The following OXCT1 variants were observed in gnomAD, a reference collection of about 807,000 sequenced individuals.
OXCT1 encodes the protein 3-oxoacid CoA-transferase 1, also known as succinyl-CoA:3-ketoacid coenzyme A transferase 1, mitochondrial.
A neutral mutation model predicts 69.6 loss-of-function variants in OXCT1; 27 were observed. The ratio of observed to expected loss-of-function variants is 0.39; its 90% CI spans 0.29 to 0.54. The LOEUF (loss-of-function observed/expected upper bound fraction) is 0.54, where lower values mean the gene tolerates loss of function less well. Ranked by LOEUF, OXCT1 falls within the 20% of genes least tolerant of loss-of-function variation. The pLI is 0.72. For synonymous variants in OXCT1, 202 were observed against 217.8 expected, an observed-to-expected ratio of 0.93 and a Z score of 0.64; for missense variants, 437 against 650.2, an observed-to-expected ratio of 0.67 and a Z score of 3.57.
chr5:41,773,384 G>T (rs1000877468), intron 13 of OXCT1, among the ~76,000 whole-genome samples: 1 of 150,890 alleles, frequency 6.6e-6, no homozygotes, highest in Non-Finnish European at 1.5e-5. Flanking sequence ...AGACTAGCCT[G>T]GGCAACATGG....
At chr5:41,754,697 C>T (rs561358317) in intron 14 of OXCT1, among the ~76,000 whole-genome samples, 1 of 152,010 alleles carries the variant, frequency 6.6e-6, no homozygotes, top group African/African-American at 2.4e-5. Flanking sequence ...CTTTATACAG[C>T]GCCTACACTA....
Position 41,731,757 on chromosome 5 carries a change from A to G in OXCT1, c.1535T>C (p.Leu512Pro). Residue 512 changes from leucine to proline, a missense_variant, in exon 17 of 17, where the codon CTC becomes CCC. Leu to Pro is a moderately conservative substitution (Grantham distance 98). Around this residue, in one of 4 missense-constraint regions of OXCT1, gnomAD observed 102 missense variants for 162.1 expected, o/e 0.63. Coordinates refer to ENST00000196371, the MANE Select transcript of OXCT1 (RefSeq NM_000436.4). ...ATTTGCGATCTGCTGCATTGGCATG[A>G]GTTTTGGTGAAACCTGGTAAAAGAG... ...TGCDFAVSPK[L>P]MPMQQIAN is the part of the protein sequence containing the mutation. The G allele has an allele frequency of 6.2e-7, 1 of 1,610,224 alleles. No individual in the cohort carries two copies. The highest frequency in any genetic ancestry group is 8.5e-7 in the Non-Finnish European group (1 of 1,178,088).
At chr5:41,785,796 A>T (rs1579732343) in intron 13 of OXCT1, among the ~76,000 whole-genome samples, 1 of 152,320 alleles carries the variant, frequency 6.6e-6, no homozygotes, top group East Asian at 1.9e-4. Context: ...GTTTTGTATG[A>T]AGGATTTATT....
chr5:41,788,073 G>A (rs1218881244), intron 13 of OXCT1, among the ~76,000 whole-genome samples: 1 of 152,112 alleles, frequency 6.6e-6, no homozygotes, highest in African/African-American at 2.4e-5. Flanking sequence ...CGAAGTATAA[G>A]GTTTATGTCA....
At chr5:41,805,413 C>T (rs980760205) in intron 9 of OXCT1, among the ~76,000 whole-genome samples, 154 bp downstream of exon 9, 10 of 149,328 alleles carry the variant, frequency 6.7e-5, no homozygotes, top group African/African-American at 2.5e-4. Flanking sequence ...GGATTATATG[C>T]CACATTTTGT....
At chr5:41,818,795 G>A (rs77030081) in intron 7 of OXCT1, among the ~76,000 whole-genome samples, 1 of 151,782 alleles carries the variant, frequency 6.6e-6, no homozygotes, top group Admixed American at 6.6e-5. Context: ...TAACAAAAGG[G>A]GTCAATGAAT....
chr5:41,750,482 C>T (rs1289412338), intron 14 of OXCT1, among the ~76,000 whole-genome samples: 1 of 152,020 alleles, frequency 6.6e-6, no homozygotes. Context: ...AAGAGTCAAG[C>T]ACCAGGAGCC....
intron 7 of OXCT1, among the ~76,000 whole-genome samples, chr5:41,825,212 G>A (rs1473240962): frequency 6.6e-6 from 1 of 152,090 alleles, no homozygotes; most frequent in African/African-American, 2.4e-5. Context: ...TAAGAGAGAA[G>A]GTGACCTATA....
intron 3 of OXCT1, among the ~76,000 whole-genome samples, chr5:41,860,328 G>T (rs1049864694): frequency 2.0e-5 from 3 of 151,982 alleles, no homozygotes; most frequent in African/African-American, 7.3e-5. Context: ...ATATATCAAA[G>T]ATAAGTAAAA....
rs200695197 is a variant in OXCT1 at position 41,853,561 on chromosome 5, G to A, written c.279-7C>T. 1,254 of 1,613,336 alleles carry A rather than the reference G, an allele frequency of 7.8e-4. 5 individuals are homozygous for A. The African/African-American group carries it at 0.015, about 19-fold the overall frequency. ...CAAACCAAAATTGTCAACCCTAGAA[G>A]GAAAATGAAGGGAGCTTACCAAAGA... On this transcript the variant is annotated splice_region_variant and splice_polypyrimidine_tract_variant and intron_variant, in intron 3 of 16. Coordinates refer to ENST00000196371, the MANE Select transcript of OXCT1 (RefSeq NM_000436.4).
At chr5:41,790,376 C>T (rs1021433118) in intron 13 of OXCT1, among the ~76,000 whole-genome samples, 3 of 152,228 alleles carry the variant, frequency 2.0e-5, no homozygotes, top group Admixed American at 1.3e-4. Context: ...GTTTTACCAT[C>T]ATCACAATCA....
intron 13 of OXCT1, among the ~76,000 whole-genome samples, chr5:41,772,837 C>A (rs1231830652): frequency 6.6e-6 from 1 of 152,154 alleles, no homozygotes; most frequent in African/African-American, 2.4e-5. Flanking sequence ...AGAATGCACA[C>A]CCTACTCTCA....
At chr5:41,818,503 TA>T (rs1474513939) in intron 7 of OXCT1, among the ~76,000 whole-genome samples, 1 of 152,150 alleles carries the variant, frequency 6.6e-6, no homozygotes, top group Non-Finnish European at 1.5e-5. Context: ...AAAAAGGAAA[TA>T]TGGCGTCCTT....
At chr5:41,737,736 G>T (rs1337062256) in intron 16 of OXCT1, among the ~76,000 whole-genome samples, 2 of 152,158 alleles carry the variant, frequency 1.3e-5, no homozygotes. Context: ...TATGGATAAT[G>T]AACTATGAAA....
intron 3 of OXCT1, among the ~76,000 whole-genome samples, chr5:41,854,330 T>C (rs888125801): frequency 6.6e-6 from 1 of 152,232 alleles, no homozygotes; most frequent in African/African-American, 2.4e-5. Context: ...GTGTTGACTT[T>C]ATTTTTTCAT....
At chr5:41,862,795 G>C (rs1561138196) in intron 1 of OXCT1, 45 bp from the exon 2 acceptor site, 2 of 1,141,778 alleles carry the variant, frequency 1.8e-6, no homozygotes, top group South Asian at 1.2e-5. Context: ...TGGAGATACA[G>C]CTTTACTTTG....
chr5:41,807,260 G>A (rs569234341), intron 8 of OXCT1, 71 bp downstream of exon 8: 70 of 853,898 alleles, frequency 8.2e-5, no homozygotes, highest in South Asian at 3.9e-4. Context: ...CCATCATCTC[G>A]AATGGCCCCA....
intron 15 of OXCT1, among the ~76,000 whole-genome samples, chr5:41,742,697 T>G (rs1743236190): frequency 6.6e-6 from 1 of 151,922 alleles, no homozygotes; most frequent in African/African-American, 2.4e-5. Context: ...GTGTTCTCAT[T>G]GTTCAATTCT....
chr5:41,744,020 G>A (rs556401992), intron 15 of OXCT1, among the ~76,000 whole-genome samples: 1 of 152,130 alleles, frequency 6.6e-6, no homozygotes. Flanking sequence ...TGTGAAGAAA[G>A]TCATTGGTAG....
Sources: gnomAD v4.1 joint callset for allele counts (sites outside exome capture counted in the v4.1 genomes callset) on GRCh38, gnomAD v4.1.1 for gene constraint, gnomAD v4.1.1 regional missense constraint, MANE v1.5 for transcripts, NCBI Gene and HGNC (gene_info 2026-07-23, HGNC 2026-07-21) for gene names.